GFPT2: variants seen among roughly 807,000 people sequenced by gnomAD.
GFPT2 encodes the protein glutamine--fructose-6-phosphate aminotransferase [isomerizing] 2.
Under a neutral mutation model 85.6 loss-of-function variants are expected in GFPT2, and 62 were observed. The ratio of observed to expected loss-of-function variants is 0.72; its 90% CI spans 0.59 to 0.90. The LOEUF is 0.90. Among genes scored for constraint, GFPT2 ranks in the 40% least tolerant of loss-of-function variants. GFPT2 has a pLI of 0.00. For missense variants in GFPT2, 788 were observed against 893.4 expected (o/e 0.88, Z 1.50); for synonymous variants, 368 against 344.5 (o/e 1.07, Z -0.75).
Position 180,331,985 on chromosome 5 carries a change from G to A in GFPT2, c.341-432C>T, listed in dbSNP as rs10052131. The stretch of plus-strand genomic sequence containing the variant: ...AGGTCGCAAAGAACAGTCCAGCACC[G>A]TGCTGTGTTTGACCCACACTGTGTT... On this transcript the variant is annotated intron_variant, in intron 4 of 18. Coordinates refer to ENST00000253778, the MANE Select transcript of GFPT2 (RefSeq NM_005110.4). Among the ~76,000 whole-genome samples, 768 of 152,294 alleles carry A rather than the reference G, an allele frequency of 5.0e-3. 4 individuals carry two copies. The highest frequency in any genetic ancestry group is 0.016 in the African/African-American group (683 of 41,554).
rs758390303 is a variant in GFPT2, at chr5:180,304,769, C to T, written c.1842+3G>A. On this transcript the variant is annotated splice_donor_region_variant and intron_variant, in intron 17 of 18. Transcript: ENST00000253778. Reference sequence around the variant, plus strand: ...CTGGCCCAGTCCAGTGGAGAGCCCTCACCTGGCGGGCCGTGACTTGCTGCA... The same window carrying T: ...CTGGCCCAGTCCAGTGGAGAGCCCTTACCTGGCGGGCCGTGACTTGCTGCA... 1.2e-6 allele frequency: 2 copies of T among 1,611,470 alleles called. No homozygotes were observed. The highest frequency in any genetic ancestry group is 2.2e-5 in the South Asian group (2 of 90,948).
chr5:180,335,495 G>T (rs1764376837), intron 4 of GFPT2, among the ~76,000 whole-genome samples: 1 of 152,206 alleles, frequency 6.6e-6, no homozygotes, highest in South Asian at 2.1e-4. Flanking sequence ...ACTTGGGGAG[G>T]AACAGTGCCC....
intron 7 of GFPT2, among the ~76,000 whole-genome samples, chr5:180,327,354 C>T (rs1019605547): frequency 2.0e-5 from 3 of 152,234 alleles, no homozygotes; most frequent in African/African-American, 4.8e-5. Flanking sequence ...GGGCCTAGAA[C>T]GCCTCCGTCC....
chr5:180,343,947 T>C (rs1335346761), intron 1 of GFPT2, among the ~76,000 whole-genome samples: 1 of 152,238 alleles, frequency 6.6e-6, no homozygotes, highest in East Asian at 1.9e-4. Flanking sequence ...TCTAAGAAGG[T>C]ATCCAGCGGA....
intron 14 of GFPT2, among the ~76,000 whole-genome samples, chr5:180,312,793 T>C (rs925554998): frequency 1.2e-4 from 18 of 152,112 alleles, no homozygotes; most frequent in African/African-American, 4.3e-4. Flanking sequence ...TATTTTGTTT[T>C]TGAGACAAAG....
intron 1 of GFPT2, among the ~76,000 whole-genome samples, chr5:180,348,327 C>T (rs570688911): frequency 6.6e-6 from 1 of 152,364 alleles, no homozygotes; most frequent in South Asian, 2.1e-4. Flanking sequence ...GACAGGTCCA[C>T]TCTCCTGGGT....
chr5:180,318,861 C>G lies in GFPT2; in HGVS notation c.890G>C (p.Arg297Pro). ...DGKLSIHRVK[R>P]SASDDPSRAI... ...TCGAGATGGGTCATCACTGGCCGAG[C>G]GCTTGACCCGGTGAATGGAGAGTTT... The change falls in exon 10 of 19, where the codon CGC (arginine) becomes CCC (proline). Residue 297 changes from arginine to proline, a missense_variant. Physicochemically the swap from Arg to Pro is moderately radical, Grantham distance 103. Transcript: ENST00000253778. The surrounding 1 kb of genome is among the most constrained non-coding windows in gnomAD (Gnocchi z 4.2). The G allele has an allele frequency of 1.9e-6, 3 of 1,614,000 alleles. No individual in the cohort carries two copies. Among genetic ancestry groups the G allele is most frequent in the Non-Finnish European group, 2.5e-6 (3 of 1,179,938 alleles).
At chr5:180,325,270 C>T (rs1471549095) in intron 7 of GFPT2, among the ~76,000 whole-genome samples, 1 of 152,178 alleles carries the variant, frequency 6.6e-6, no homozygotes, top group Non-Finnish European at 1.5e-5. Context: ...GGTCTCCACC[C>T]AGCCTCGACG....
intron 12 of GFPT2, 101 bp downstream of exon 12, chr5:180,316,663 G>A (rs991063498): frequency 1.0e-6 from 1 of 967,042 alleles, no homozygotes; most frequent in African/African-American, 1.6e-5. Flanking sequence ...TGGGTACAAG[G>A]GCTTAGCCAA....
At chr5:180,339,878 G>T (rs1764476064) in intron 1 of GFPT2, among the ~76,000 whole-genome samples, 1 of 152,246 alleles carries the variant, frequency 6.6e-6, no homozygotes, top group Non-Finnish European at 1.5e-5. Context: ...GTTCACATGT[G>T]GAACAGAATA....
In GFPT2 at chr5:180,336,585, G is replaced by A. The variant is rs772577121; in HGVS notation, c.116-8C>T. On this transcript the variant is annotated splice_polypyrimidine_tract_variant and splice_region_variant and intron_variant, in intron 2 of 18. Coordinates refer to ENST00000253778, the MANE Select transcript of GFPT2 (RefSeq NM_005110.4). Reference sequence around the variant, plus strand: ...TCCCATCGATCGCCACACCTGTGATGTAGACAGCATTTGTTATATTGCAAC... The same window carrying A: ...TCCCATCGATCGCCACACCTGTGATATAGACAGCATTTGTTATATTGCAAC... The A allele has an allele frequency of 8.3e-6, 13 of 1,561,506 alleles. No homozygotes were observed. The highest frequency in any genetic ancestry group is 1.1e-5 in the Non-Finnish European group (13 of 1,132,024).
At chr5:180,335,068 T>C (rs1463888777) in intron 4 of GFPT2, among the ~76,000 whole-genome samples, 1 of 152,220 alleles carries the variant, frequency 6.6e-6, no homozygotes, top group Non-Finnish European at 1.5e-5. Context: ...CAGGAGAGCC[T>C]GAAACCCACC....
rs749117421 is a variant in GFPT2 at position 180,316,758 on chromosome 5, A to G, written c.1152+6T>C. The G allele has an allele frequency of 6.2e-7, 1 of 1,600,280 alleles. No individual in the cohort carries two copies. Among genetic ancestry groups the G allele is most frequent in the Non-Finnish European group, 8.6e-7 (1 of 1,167,790 alleles). On this transcript the variant is annotated splice_donor_region_variant and intron_variant, in intron 12 of 18. Coordinates refer to ENST00000253778, the MANE Select transcript of GFPT2 (RefSeq NM_005110.4). ...CGACTTCCCCACGCACATGTGTCAC[A>G]CTTACAGCCACGGCAGCGTGGTAGC...
At chr5:180,313,331 C>T (rs1304430665) in intron 14 of GFPT2, among the ~76,000 whole-genome samples, 1 of 151,924 alleles carries the variant, frequency 6.6e-6, no homozygotes, top group Non-Finnish European at 1.5e-5. Context: ...GGGGCTCACG[C>T]CTGTAATCCC....
At chr5:180,340,660 C>T (rs1178952380) in intron 1 of GFPT2, among the ~76,000 whole-genome samples, 10 of 151,642 alleles carry the variant, frequency 6.6e-5, no homozygotes, top group East Asian at 1.9e-4. Context: ...TACAGGTGCC[C>T]GACACCATGC....
At position 180,317,024 on chromosome 5, in the gene GFPT2, G is replaced by A. The variant is rs201192607; in HGVS notation, c.993C>T (p.Phe331=). Residue 331 remains phenylalanine, a synonymous_variant, in exon 11 of 19, where the codon TTC becomes TTT. Coordinates refer to ENST00000253778, the MANE Select transcript of GFPT2 (RefSeq NM_005110.4). ...NFSAFMQKEI[F]EQPESVFNTM... ...TATTGAAAACTGATTCTGGCTGTTC[G>A]AAGATCTCCTTCTGCATAAACGCAC... The A allele has an allele frequency of 1.2e-3, 1,958 of 1,611,000 alleles. No homozygotes were observed. Among genetic ancestry groups the A allele is most frequent in the Non-Finnish European group, 1.5e-3 (1,762 of 1,177,184 alleles).
chr5:180,351,165 G>T (rs1347525520), intron 1 of GFPT2, among the ~76,000 whole-genome samples: 1 of 152,180 alleles, frequency 6.6e-6, no homozygotes, highest in African/African-American at 2.4e-5. Context: ...AGGAAAATCA[G>T]TATCACTTGT....
rs980524258 is a variant in GFPT2, at chr5:180,318,576, C to T, written c.958+217G>A. The T allele has an allele frequency of 6.9e-5, 38 of 551,494 alleles. No individual in the cohort carries two copies. Among genetic ancestry groups the T allele is most frequent in the Middle Eastern group, 4.8e-4 (1 of 2,094 alleles). The allele number at this position is 551,494 out of a possible 1,614,324, so 34.2% of individuals were successfully genotyped here. On this transcript the variant is annotated intron_variant, in intron 10 of 18. Transcript: ENST00000253778. The surrounding 1 kb of genome is among the most constrained non-coding windows in gnomAD (Gnocchi z 4.2). ...CTCAGTTCCAGTAGGAAAGACCTGG[C>T]GGCTGGCTGCACACAGGAGCCCCCG... is the stretch of plus-strand genomic sequence containing the variant.
At chr5:180,314,526 C>T (rs1011655736) in intron 13 of GFPT2, among the ~76,000 whole-genome samples, 1 of 152,160 alleles carries the variant, frequency 6.6e-6, no homozygotes, top group Admixed American at 6.5e-5. Flanking sequence ...GTTTGTGAGT[C>T]CTAAAGCACT....
Sources: gnomAD v4.1 joint callset for allele counts (sites outside exome capture counted in the v4.1 genomes callset) on GRCh38, gnomAD v4.1.1 for gene constraint, Gnocchi (gnomAD v3.1) non-coding constraint, MANE v1.5 for transcripts, NCBI Gene and HGNC (gene_info 2026-07-23, HGNC 2026-07-21) for gene names.